Variants in OPCML observed in about 807,000 individuals in gnomAD.
OPCML encodes the protein opioid binding protein/cell adhesion molecule like, also known as opioid-binding protein/cell adhesion molecule.
In OPCML, 13 loss-of-function variants were observed where a neutral mutation model predicts 37.8. The ratio of observed to expected loss-of-function variants is 0.34; its 90% CI spans 0.22 to 0.55. The LOEUF (loss-of-function observed/expected upper bound fraction) is 0.55. Among genes scored for constraint, OPCML ranks in the 20% least tolerant of loss-of-function variants. The probability of loss-of-function intolerance (pLI) is 0.91; values close to 1 mark genes in which losing one functional copy is unlikely to be tolerated. For missense variants in OPCML, 341 were observed against 435.6 expected, an observed-to-expected ratio of 0.78 and a Z score of 1.93; for synonymous variants, 176 against 168.8, an observed-to-expected ratio of 1.04 and a Z score of -0.33.
chr11:132,864,055 A>C (rs1240124119), intron 2 of OPCML, among the ~76,000 whole-genome samples: 1 of 152,104 alleles, frequency 6.6e-6, no homozygotes, highest in African/African-American at 2.4e-5. Context: ...CTCCTGCCTC[A>C]GCTTCCCGAG....
At chr11:133,470,883 T>C (rs986684392) in intron 1 of OPCML, among the ~76,000 whole-genome samples, 1 of 151,986 alleles carries the variant, frequency 6.6e-6, no homozygotes, top group Non-Finnish European at 1.5e-5. Context: ...TCATTCAGGG[T>C]CAATCCAAAC....
intron 1 of OPCML, among the ~76,000 whole-genome samples, chr11:133,259,592 CTCTA>C (rs1220846431): frequency 6.6e-6 from 1 of 152,146 alleles, no homozygotes; most frequent in Non-Finnish European, 1.5e-5. Flanking sequence ...GCACAAAAGC[CTCTA>C]TCTATTTGGT....
chr11:133,274,645 C>T (rs1392524883), intron 1 of OPCML, among the ~76,000 whole-genome samples: 1 of 152,174 alleles, frequency 6.6e-6, no homozygotes, highest in Non-Finnish European at 1.5e-5. Context: ...CCGGCACAGC[C>T]CCTCGGTGCT....
chr11:132,900,590 T>C (rs1008311556), intron 2 of OPCML, among the ~76,000 whole-genome samples: 7 of 152,228 alleles, frequency 4.6e-5, no homozygotes, highest in African/African-American at 1.4e-4. Context: ...ATTGTTTTAA[T>C]AGAAATGAAG....
chr11:133,447,913 G>A (rs1270403935), intron 1 of OPCML, among the ~76,000 whole-genome samples: 4 of 152,092 alleles, frequency 2.6e-5, no homozygotes, highest in African/African-American at 7.2e-5. Flanking sequence ...TGAGTTATAA[G>A]TATTTTTATA....
chr11:133,220,824 C>T (rs762196455), intron 1 of OPCML, among the ~76,000 whole-genome samples: 5 of 152,098 alleles, frequency 3.3e-5, no homozygotes, highest in Admixed American at 6.5e-5. Context: ...AACAGCCCCC[C>T]GATCTATAGC....
intron 2 of OPCML, among the ~76,000 whole-genome samples, chr11:132,679,144 G>A (rs1942833821): frequency 6.6e-6 from 1 of 152,182 alleles, no homozygotes; most frequent in African/African-American, 2.4e-5. Context: ...CTCAGGGACT[G>A]CTTGTGGGAA....
intron 1 of OPCML, among the ~76,000 whole-genome samples, chr11:133,183,394 A>G (rs1289089682): frequency 1.3e-5 from 2 of 152,186 alleles, no homozygotes; most frequent in East Asian, 3.9e-4. Flanking sequence ...AATAGTTCCT[A>G]AACCTGTAGG....
chr11:132,426,300 A>G (rs923896966), intron 7 of OPCML, among the ~76,000 whole-genome samples: 1 of 152,232 alleles, frequency 6.6e-6, no homozygotes, highest in Non-Finnish European at 1.5e-5. Context: ...GAGCAGGTCC[A>G]TGCAGCTACA....
Position 132,878,494 on chromosome 11 carries a change from G to C in OPCML, c.146+64432C>G, listed in dbSNP as rs906167401. Among the ~76,000 whole-genome samples, 6 of 152,304 alleles carry C rather than the reference G, an allele frequency of 3.9e-5. No individual in the cohort carries two copies. In the South Asian group the frequency reaches 1.2e-3, roughly 32 times the overall value. On this transcript the variant is annotated intron_variant, in intron 2 of 7. Coordinates refer to ENST00000524381, the MANE Select transcript of OPCML (RefSeq NM_001012393.5). ...GACATCAGTCTTCTGCCTTCAGGCT[G>C]AGGCTTGGACTGAAACTTACACCAG...
At chr11:132,684,300 G>A (rs1943076100) in intron 2 of OPCML, among the ~76,000 whole-genome samples, 1 of 152,102 alleles carries the variant, frequency 6.6e-6, no homozygotes, top group African/African-American at 2.4e-5. Context: ...TTTGAGATAG[G>A]CAACTTTATT....
chr11:132,734,275 G>A (rs781250114), intron 2 of OPCML, among the ~76,000 whole-genome samples: 16 of 152,116 alleles, frequency 1.1e-4, no homozygotes, highest in African/African-American at 2.7e-4. Context: ...CCTCCTACAC[G>A]GAATCCAGAG....
chr11:133,336,999 A>C (rs1459644824), intron 1 of OPCML, among the ~76,000 whole-genome samples: 1 of 152,258 alleles, frequency 6.6e-6, no homozygotes, highest in East Asian at 1.9e-4. Flanking sequence ...AGGGCAGCAA[A>C]GAACCAAATG....
At chr11:133,095,828 C>A (rs1005543541) in intron 1 of OPCML, among the ~76,000 whole-genome samples, 1 of 151,300 alleles carries the variant, frequency 6.6e-6, no homozygotes, top group Admixed American at 6.6e-5. Flanking sequence ...TTGAGAAAAT[C>A]GAAACAAAAC....
intron 1 of OPCML, among the ~76,000 whole-genome samples, chr11:133,142,672 C>T (rs1592044802): frequency 6.6e-6 from 1 of 152,084 alleles, no homozygotes; most frequent in Non-Finnish European, 1.5e-5. Flanking sequence ...AGTGCATGAG[C>T]TGCCTATTTC....
At chr11:132,717,153 T>C (rs1944523636) in intron 2 of OPCML, among the ~76,000 whole-genome samples, 2 of 152,224 alleles carry the variant, frequency 1.3e-5, no homozygotes, top group African/African-American at 4.8e-5. Context: ...CTATTGTTCA[T>C]AGTTGACATA....
intron 1 of OPCML, among the ~76,000 whole-genome samples, chr11:133,217,695 G>A (rs1271519857): frequency 1.3e-5 from 2 of 152,276 alleles, no homozygotes; most frequent in African/African-American, 2.4e-5. Flanking sequence ...TGGGATTTCT[G>A]GCAGAGGTTT....
Position 133,381,470 on chromosome 11 carries a change from G to C in OPCML, c.61+150794C>G, listed in dbSNP as rs569362648. On this transcript the variant is annotated intron_variant, in intron 1 of 7. Transcript: ENST00000524381. ...ATAGAACTTATACAGGGCAGTGTGA[G>C]TTGGTCATGCCCATGGTGGAGACCT... Among the ~76,000 whole-genome samples the C allele has an allele frequency of 1.9e-4, 29 of 152,360 alleles. No homozygotes were observed. The Middle Eastern group carries it at 0.014, about 71-fold the overall frequency.
In OPCML at chr11:133,024,711, C is replaced by T. The variant is rs569478825; in HGVS notation, c.62-81701G>A. 21 of 860,542 alleles carry T rather than the reference C, an allele frequency of 2.4e-5. No individual in the cohort carries two copies. The African/African-American group carries it at 2.7e-4, about 11-fold the overall frequency. The allele number at this position is 860,542 out of a possible 1,614,324, so 53.3% of individuals were successfully genotyped here. A position where few individuals can be genotyped will look rare whatever the true frequency, so the allele number is the denominator to read the frequency against. On this transcript the variant is annotated intron_variant, in intron 1 of 7. Transcript: ENST00000524381. ...TGGTGGGGGATGGGGAGGTTCTTAA[C>T]GTATGCATCTTTGCCAGCCCTCGCG...
Sources: gnomAD v4.1 joint callset for allele counts (sites outside exome capture counted in the v4.1 genomes callset) on GRCh38, gnomAD v4.1.1 for gene constraint, MANE v1.5 for transcripts, NCBI Gene and HGNC (gene_info 2026-07-23, HGNC 2026-07-21) for gene names.